ITIH1: variants seen among roughly 807,000 people sequenced by gnomAD.
The protein encoded by ITIH1 is inter-alpha-trypsin inhibitor heavy chain 1.
In ITIH1, 94 loss-of-function variants were observed where a neutral mutation model predicts 104.6. The ratio of observed to expected loss-of-function variants is 0.90; its 90% CI spans 0.76 to 1.07. ITIH1 has a LOEUF of 1.07. Among genes scored for constraint, ITIH1 ranks in the 50% least tolerant of loss-of-function variants. ITIH1 has a pLI of 0.00. For synonymous variants in ITIH1, 455 were observed against 464.4 expected (o/e 0.98, Z 0.26); for missense variants, 1,193 against 1,181.4 (o/e 1.01, Z -0.14).
In ITIH1 at chr3:52,787,977, T is replaced by C. The variant is rs71299618; in HGVS notation, c.1925-9T>C. ...CCCCGCTTCTAAATGCCACTCCCCC[T>C]CCCATCAGCGTTCGTGCTGTCAGCC... On this transcript the variant is annotated splice_polypyrimidine_tract_variant and intron_variant, in intron 16 of 21. Coordinates refer to ENST00000273283, the MANE Select transcript of ITIH1 (RefSeq NM_002215.4). The C allele has an allele frequency of 5.9e-4, 380 of 646,940 alleles. No individual in the cohort carries two copies. In the Middle Eastern group the frequency reaches 0.017, roughly 29 times the overall value. The allele number at this position is 646,940 out of a possible 1,614,324, so 40.1% of individuals were successfully genotyped here. A position where few individuals can be genotyped will look rare whatever the true frequency, so the allele number is the denominator to read the frequency against.
intron 18 of ITIH1, 25 bp from the exon 19 acceptor site, chr3:52,789,628 C>A: frequency 6.2e-7 from 1 of 1,609,948 alleles, no homozygotes; most frequent in Non-Finnish European, 8.5e-7. Context: ...CTTCCCAACC[C>A]GGATGCCCTC....
At chr3:52,784,238 C>T (rs998928714) in intron 10 of ITIH1, 58 bp from the exon 11 acceptor site, 14 of 1,473,938 alleles carry the variant, frequency 9.5e-6, no homozygotes, top group East Asian at 2.4e-5. Flanking sequence ...AGAGCCCCCT[C>T]GTGCCCCACA....
chr3:52,777,888 A>G, intron 1 of ITIH1, 109 bp from the exon 2 acceptor site: 7 of 1,456,652 alleles, frequency 4.8e-6, no homozygotes, highest in Non-Finnish European at 5.8e-6. Context: ...CAAGGAGGTG[A>G]AGCTAAGGGG....
Position 52,784,388 on chromosome 3 carries a change from G to A in ITIH1, c.1318G>A (p.Asp440Asn). The A allele has an allele frequency of 6.2e-7, 1 of 1,614,170 alleles. No homozygotes were observed. The change falls in exon 11 of 22, where the codon GAC becomes AAC. Residue 440 changes from aspartate (D) to asparagine (N), a missense_variant. By Grantham distance (23) the Asp-to-Asn change is conservative (BLOSUM62 1). Coordinates refer to ENST00000273283, the MANE Select transcript of ITIH1 (RefSeq NM_002215.4). ...LYNLGFGHNV[D>N]FNFLEVMSME... ...CAACCTGGGTTTCGGCCACAATGTGGACTTTAACTTTCTGGAGGTCATGTC... is the reference window on the plus strand; with the variant it reads ...CAACCTGGGTTTCGGCCACAATGTGAACTTTAACTTTCTGGAGGTCATGTC...
At chr3:52,785,005 G>T in intron 11 of ITIH1, 39 bp from the exon 12 acceptor site, 1 of 1,600,562 alleles carries the variant, frequency 6.2e-7, no homozygotes, top group Non-Finnish European at 8.6e-7. Flanking sequence ...TAGGAGCCCA[G>T]GGTGCTCAGC....
Position 52,779,954 on chromosome 3 carries a change from T to G in ITIH1, c.574-315T>G. 7.2e-7 allele frequency: 1 copy of G among 1,382,132 alleles called. No individual in the cohort carries two copies. Among genetic ancestry groups the G allele is most frequent in the Non-Finnish European group, 9.4e-7 (1 of 1,068,116 alleles). 85.6% of individuals were successfully genotyped at this position (1,382,132 alleles called of 1,614,324 possible). On this transcript the variant is annotated intron_variant, in intron 5 of 21. Transcript: ENST00000273283. The surrounding 1 kb of genome is among the most constrained non-coding windows in gnomAD (Gnocchi z 4.4). ...GCTGGCACCTAAGTGGTGGCTGAGT[T>G]GAGGGATGCAGGCATGTACACCTTC...
chr3:52,787,246 C>T, intron 15 of ITIH1, 44 bp downstream of exon 15: 1 of 1,612,906 alleles, frequency 6.2e-7, no homozygotes, highest in Non-Finnish European at 8.5e-7. Flanking sequence ...GCTTCGGTAG[C>T]TGGGCAGGTG....
intron 12 of ITIH1, among the ~76,000 whole-genome samples, chr3:52,785,489 G>T (rs569644186): frequency 6.6e-6 from 1 of 152,164 alleles, no homozygotes; most frequent in Admixed American, 6.5e-5. Context: ...GTTATTTTTC[G>T]CATCATTCAT....
Position 52,779,197 on chromosome 3 carries a change from G to C in ITIH1, c.410+151G>C, listed in dbSNP as rs1698978084. 1 of 738,190 alleles carries C rather than the reference G, an allele frequency of 1.4e-6. No individual in the cohort carries two copies. Among genetic ancestry groups the C allele is most frequent in the African/African-American group, 1.7e-5 (1 of 57,328 alleles). The allele number at this position is 738,190 out of a possible 1,614,324, so 45.7% of individuals were successfully genotyped here. On this transcript the variant is annotated intron_variant, in intron 4 of 21. Transcript: ENST00000273283. This position sits in a 1 kb window ranked among gnomAD's most constrained non-coding sequence, Gnocchi z 4.4. ...AACCCAGATGCCAGCACGGTGCACT[G>C]AACAGGCTGCCGTGCAGTTGCCCTT...
At chr3:52,789,996 G>A in intron 19 of ITIH1, 142 bp downstream of exon 19, 2 of 746,388 alleles carry the variant, frequency 2.7e-6, no homozygotes, top group East Asian at 2.7e-5. Context: ...AGACTCCATG[G>A]CCCACCCAGC....
chr3:52,786,575 A>C, intron 13 of ITIH1, 141 bp downstream of exon 13: 1 of 882,076 alleles, frequency 1.1e-6, no homozygotes, highest in Non-Finnish European at 1.7e-6. Flanking sequence ...CTGAGTTAAT[A>C]TCAACCAGTC....
In ITIH1 at chr3:52,787,220, T is replaced by C; in HGVS notation, c.1903+18T>C. ...GCCTTTGGGTGAGTTTTAAATTGCA[T>C]TAGTTTCAGTTCTGGGCTTCGGTAG... On this transcript the variant is annotated intron_variant, in intron 15 of 21. Transcript: ENST00000273283. 1 of 1,613,726 alleles carries C rather than the reference T, an allele frequency of 6.2e-7. No homozygotes were observed. The highest frequency in any genetic ancestry group is 8.5e-7 in the Non-Finnish European group (1 of 1,180,028).
In ITIH1 at chr3:52,787,981, A is replaced by G. The variant is rs1699246122; in HGVS notation, c.1925-5A>G. ...GCTTCTAAATGCCACTCCCCCTCCC[A>G]TCAGCGTTCGTGCTGTCAGCCTTGC... On this transcript the variant is annotated splice_region_variant and splice_polypyrimidine_tract_variant and intron_variant, in intron 16 of 21. Transcript: ENST00000273283. 1 of 1,613,172 alleles carries G rather than the reference A, an allele frequency of 6.2e-7. No homozygotes were observed. The highest frequency in any genetic ancestry group is 1.3e-5 in the African/African-American group (1 of 74,876).
chr3:52,791,470 A>G (rs770405979), intron 20 of ITIH1, 47 bp from the exon 21 acceptor site: 2 of 1,501,418 alleles, frequency 1.3e-6, no homozygotes, highest in East Asian at 4.5e-5. Context: ...GCAGGGCAGG[A>G]GCAAGTCCCC....
In ITIH1 at chr3:52,780,345, C is replaced by A. The variant is rs1699002753; in HGVS notation, c.650C>A (p.Ala217Glu). The A allele has an allele frequency of 6.2e-7, 1 of 1,614,026 alleles. No individual in the cohort carries two copies. Among genetic ancestry groups the A allele is most frequent in the Non-Finnish European group, 8.5e-7 (1 of 1,179,944 alleles). ...GCCTCTTTCCTGCCGAAGGAACTGGCAGCCCAAACTATCAAGAAGTCCTTC... is the reference window on the plus strand; with the variant it reads ...GCCTCTTTCCTGCCGAAGGAACTGGAAGCCCAAACTATCAAGAAGTCCTTC... ...AQASFLPKEL[A>E]AQTIKKSFSG... The change falls in exon 6 of 22, where the codon GCA becomes GAA. Residue 217 changes from alanine (A) to glutamate (E), a missense_variant. Physicochemically the swap from Ala to Glu is moderately radical, Grantham distance 107. Coordinates refer to ENST00000273283, the MANE Select transcript of ITIH1 (RefSeq NM_002215.4).
At chr3:52,784,011 G>T (rs933529295) in intron 10 of ITIH1, among the ~76,000 whole-genome samples, 11 of 152,298 alleles carry the variant, frequency 7.2e-5, no homozygotes, top group African/African-American at 2.6e-4. Flanking sequence ...GGGAAGGTCA[G>T]CAGGGTCTCG....
chr3:52,784,220 T>G (rs1699138735), intron 10 of ITIH1, 76 bp from the exon 11 acceptor site: 1 of 1,306,628 alleles, frequency 7.7e-7, no homozygotes, highest in Non-Finnish European at 1.1e-6. Context: ...CCCCAGGGAG[T>G]GTTCCCCAGA....
Position 52,788,009 on chromosome 3 carries a change from C to A in ITIH1, c.1948C>A (p.Pro650Thr), listed in dbSNP as rs1427522678. Reference sequence around the variant, plus strand: ...AGCGTTCGTGCTGTCAGCCTTGCAGCCTTCTCCTACTCATTCCAGCTCCAA... The same window carrying A: ...AGCGTTCGTGCTGTCAGCCTTGCAGACTTCTCCTACTCATTCCAGCTCCAA... ...RRTFVLSALQPSPTHSSSNTQ... is the reference protein window; with the variant it reads ...RRTFVLSALQTSPTHSSSNTQ... Residue 650 changes from proline to threonine, a missense_variant, in exon 17 of 22, where the codon CCT becomes ACT. Pro to Thr is a conservative substitution (Grantham distance 38). Coordinates refer to ENST00000273283, the MANE Select transcript of ITIH1 (RefSeq NM_002215.4). The A allele has an allele frequency of 1.2e-6, 2 of 1,613,672 alleles. No individual in the cohort carries two copies. Among genetic ancestry groups the A allele is most frequent in the Non-Finnish European group, 1.7e-6 (2 of 1,179,786 alleles).
At chr3:52,784,706 C>A (rs1699155129) in intron 11 of ITIH1, among the ~76,000 whole-genome samples, 1 of 152,130 alleles carries the variant, frequency 6.6e-6, no homozygotes, top group Non-Finnish European at 1.5e-5. Flanking sequence ...GAAACCCCGT[C>A]TCTACTGAAG....
Sources: allele counts gnomAD v4.1 joint callset (sites outside exome capture counted in the v4.1 genomes callset), GRCh38; gene constraint gnomAD v4.1.1; non-coding constraint Gnocchi (gnomAD v3.1); transcripts MANE v1.5; gene names NCBI Gene and HGNC (gene_info 2026-07-23, HGNC 2026-07-21).